RXRA: variants seen among roughly 807,000 people sequenced by gnomAD.
The protein encoded by RXRA is retinoic acid receptor RXR-alpha.
Under a neutral mutation model 44.5 loss-of-function variants are expected in RXRA, and 5 were observed. That is an observed-to-expected ratio of 0.11 (90% confidence interval 0.06 to 0.24). The LOEUF (loss-of-function observed/expected upper bound fraction) is 0.24. Among genes scored for constraint, RXRA ranks in the 10% least tolerant of loss-of-function variants. The probability of loss-of-function intolerance (pLI) is 1.00; values close to 1 mark genes in which losing one functional copy is unlikely to be tolerated. For missense variants in RXRA, 412 were observed against 646.5 expected (o/e 0.64, Z 3.93); for synonymous variants, 291 against 271.4 (o/e 1.07, Z -0.71).
chr9:134,392,217 C>T (rs1027608533), intron 1 of RXRA, among the ~76,000 whole-genome samples: 10 of 152,188 alleles, frequency 6.6e-5, no homozygotes, highest in African/African-American at 9.7e-5. Context: ...TCCGTGACTC[C>T]GCTTCTTTCC....
intron 6 of RXRA, 105 bp downstream of exon 6, chr9:134,421,910 G>A (rs564720373): frequency 6.8e-7 from 1 of 1,462,110 alleles, no homozygotes; most frequent in Non-Finnish European, 9.0e-7. Flanking sequence ...ACACTCCCCT[G>A]TCCTGGGACA....
chr9:134,334,935 G>A (rs947418612), intron 1 of RXRA, among the ~76,000 whole-genome samples: 1 of 152,236 alleles, frequency 6.6e-6, no homozygotes, highest in Non-Finnish European at 1.5e-5. Flanking sequence ...AGCTTATAAT[G>A]GGGAAGAGGT....
At chr9:134,431,495 C>T (rs988648026) in intron 7 of RXRA, among the ~76,000 whole-genome samples, 4 of 152,338 alleles carry the variant, frequency 2.6e-5, no homozygotes, top group African/African-American at 9.6e-5. Flanking sequence ...GGCTTTGCCT[C>T]AGGTGGTGCT....
chr9:134,430,846 C>T (rs1831520945), intron 7 of RXRA, among the ~76,000 whole-genome samples: 2 of 152,216 alleles, frequency 1.3e-5, no homozygotes, highest in South Asian at 2.1e-4. Context: ...ACTACAGAGG[C>T]CCCGGCATTT....
chr9:134,350,078 G>A (rs571776555), intron 1 of RXRA, among the ~76,000 whole-genome samples: 10 of 151,318 alleles, frequency 6.6e-5, no homozygotes, highest in African/African-American at 9.8e-5. Context: ...GTGTGTGTAG[G>A]GGGGGGTGGA....
At chr9:134,395,288 C>T (rs1019323294) in intron 1 of RXRA, among the ~76,000 whole-genome samples, 15 of 152,346 alleles carry the variant, frequency 9.8e-5, no homozygotes, top group East Asian at 1.9e-4. Flanking sequence ...CTGGCCTCAC[C>T]GTGGCTTCCT....
intron 1 of RXRA, among the ~76,000 whole-genome samples, chr9:134,360,598 G>A (rs1156611613): frequency 6.6e-6 from 1 of 152,276 alleles, no homozygotes; most frequent in African/African-American, 2.4e-5. Flanking sequence ...GCCGCTTGCT[G>A]GTCTGCGGGA....
chr9:134,388,424 G>T (rs949215554), intron 1 of RXRA, among the ~76,000 whole-genome samples: 5 of 152,220 alleles, frequency 3.3e-5, no homozygotes, highest in African/African-American at 1.2e-4. Context: ...TTGGGATGTT[G>T]TTCTGCTCTC....
intron 7 of RXRA, 31 bp from the exon 8 acceptor site, chr9:134,431,874 G>A (rs1472019925): frequency 1.9e-6 from 3 of 1,561,404 alleles, no homozygotes; most frequent in Non-Finnish European, 1.8e-6. Flanking sequence ...CGACCTAACT[G>A]GGATGGGGTG....
chr9:134,337,044 C>G (rs1324772255), intron 1 of RXRA, among the ~76,000 whole-genome samples: 1 of 152,132 alleles, frequency 6.6e-6, no homozygotes, highest in Non-Finnish European at 1.5e-5. Flanking sequence ...TGGGGGGTGC[C>G]CCTGCCTGTG....
chr9:134,408,649 C>T lies in RXRA; in HGVS notation c.431-291C>T, dbSNP rs547043988. On this transcript the variant is annotated intron_variant, in intron 3 of 9. Transcript: ENST00000481739. The stretch of plus-strand genomic sequence containing the variant: ...CCCGTGTTGTGCCACTGACCCCCAA[C>T]GGCCTGAGAGGGAAGAACGGGCTGC... Among the ~76,000 whole-genome samples, 13 of 152,366 alleles carry T rather than the reference C, an allele frequency of 8.5e-5. No homozygotes were observed. The East Asian group carries it at 1.5e-3, about 18-fold the overall frequency.
rs373746848 is a variant in RXRA, at chr9:134,401,666, C to T, written c.63C>T (p.Ser21=). ...CCCAGGTGAACTCCTCCCTCACCTC[C>T]CCGACGGGGCGAGGCTCCATGGCTG... ...FSTQVNSSLT[S]PTGRGSMAAP... is the part of the protein sequence containing the mutation. Residue 21 remains serine (S), a synonymous_variant, in exon 2 of 10, where the codon TCC becomes TCT. Transcript: ENST00000481739. 3.7e-6 allele frequency: 6 copies of T among 1,613,078 alleles called. No individual in the cohort carries two copies. The Admixed American group carries it at 6.7e-5, about 18-fold the overall frequency.
In RXRA at chr9:134,343,523, A is replaced by G. The variant is rs1830111218; in HGVS notation, c.28+16864A>G. Among the ~76,000 whole-genome samples, 1 of 151,744 alleles carries G rather than the reference A, an allele frequency of 6.6e-6. No individual in the cohort carries two copies. Among genetic ancestry groups the G allele is most frequent in the Non-Finnish European group, 1.5e-5 (1 of 67,920 alleles). On this transcript the variant is annotated intron_variant, in intron 1 of 9. Coordinates refer to ENST00000481739, the MANE Select transcript of RXRA (RefSeq NM_002957.6). The surrounding 1 kb of genome is among the most constrained non-coding windows in gnomAD (Gnocchi z 4.1). ...TGGGAAGAAGCATTTTTTTGGGAGGAGTGGTTGCAGGGGCAGCTAGTTCTG... is the reference window on the plus strand; with the variant it reads ...TGGGAAGAAGCATTTTTTTGGGAGGGGTGGTTGCAGGGGCAGCTAGTTCTG...
Position 134,407,997 on chromosome 9 carries a change from A to C in RXRA, c.280-152A>C. On this transcript the variant is annotated intron_variant, in intron 2 of 9. Transcript: ENST00000481739. The surrounding 1 kb of genome is among the most constrained non-coding windows in gnomAD (Gnocchi z 4.8). ...CACAGTGGCCCCGCTGCTCCGGAGC[A>C]GCGTGGCGGGTGGGGGGCACGGCCC... The C allele has an allele frequency of 3.7e-6, 2 of 539,742 alleles. No individual in the cohort carries two copies. The allele number at this position is 539,742 out of a possible 1,614,324, so 33.4% of individuals were successfully genotyped here.
rs953771157 is a variant in RXRA at position 134,340,913 on chromosome 9, G to A, written c.28+14254G>A. Among the ~76,000 whole-genome samples the A allele has an allele frequency of 3.3e-5, 5 of 152,310 alleles. No individual in the cohort carries two copies. In the South Asian group the frequency reaches 1.0e-3, roughly 32 times the overall value. On this transcript the variant is annotated intron_variant, in intron 1 of 9. Coordinates refer to ENST00000481739, the MANE Select transcript of RXRA (RefSeq NM_002957.6). ...CTCATGTGAACCCTGGAAAGGCCTCGCAGGAAAGGAGAGGAAGGAAGGCTT... is the reference window on the plus strand; with the variant it reads ...CTCATGTGAACCCTGGAAAGGCCTCACAGGAAAGGAGAGGAAGGAAGGCTT...
rs1830199960 is a variant in RXRA at position 134,349,841 on chromosome 9, A to G, written c.28+23182A>G. On this transcript the variant is annotated intron_variant, in intron 1 of 9. Coordinates refer to ENST00000481739, the MANE Select transcript of RXRA (RefSeq NM_002957.6). The surrounding 1 kb of genome is among the most constrained non-coding windows in gnomAD (Gnocchi z 4.3). The stretch of plus-strand genomic sequence containing the variant: ...GCTCGGGTGGGCGGGCGGGTGCCGC[A>G]GGCTCTCCTGTGGTAGGAGTCGGGT... Among the ~76,000 whole-genome samples, 1 of 152,002 alleles carries G rather than the reference A, an allele frequency of 6.6e-6. No homozygotes were observed. The highest frequency in any genetic ancestry group is 6.5e-5 in the Admixed American group (1 of 15,278).
intron 4 of RXRA, among the ~76,000 whole-genome samples, chr9:134,411,840 G>T (rs1831153926): frequency 6.6e-6 from 1 of 152,206 alleles, no homozygotes; most frequent in Non-Finnish European, 1.5e-5. Flanking sequence ...TGCACAGGGG[G>T]AGTCTCTTGC....
Position 134,361,721 on chromosome 9 carries a change from C to T in RXRA, c.28+35062C>T, listed in dbSNP as rs574398840. The stretch of plus-strand genomic sequence containing the variant: ...TAACATCGGAGGGACTCTGAGCTTC[C>T]GTGTTTGGGAGCAGGCCTGTGGCTT... On this transcript the variant is annotated intron_variant, in intron 1 of 9. Transcript: ENST00000481739. Among the ~76,000 whole-genome samples, 9 of 152,316 alleles carry T rather than the reference C, an allele frequency of 5.9e-5. No individual in the cohort carries two copies. The East Asian group carries it at 7.7e-4, about 13-fold the overall frequency.
In RXRA at chr9:134,431,797, G is replaced by C. The variant is rs1052720616; in HGVS notation, c.1044-108G>C. On this transcript the variant is annotated intron_variant, in intron 7 of 9. Transcript: ENST00000481739. ...TTGCCTTGGCTTGGCCCATCTCAGCGGCCCTCGGGCCACGCCGGGCTCTCC... is the reference window on the plus strand; with the variant it reads ...TTGCCTTGGCTTGGCCCATCTCAGCCGCCCTCGGGCCACGCCGGGCTCTCC... 12 of 788,692 alleles carry C rather than the reference G, an allele frequency of 1.5e-5. No homozygotes were observed. The Admixed American group carries it at 2.6e-4, about 17-fold the overall frequency. 48.9% of individuals were successfully genotyped at this position (788,692 alleles called of 1,614,324 possible).
Sources: gnomAD v4.1 joint callset for allele counts (sites outside exome capture counted in the v4.1 genomes callset) on GRCh38, gnomAD v4.1.1 for gene constraint, Gnocchi (gnomAD v3.1) non-coding constraint, MANE v1.5 for transcripts, NCBI Gene and HGNC (gene_info 2026-07-23, HGNC 2026-07-21) for gene names.